UBE2Q2: variants seen among roughly 807,000 people sequenced by gnomAD.
UBE2Q2 encodes the protein ubiquitin conjugating enzyme E2 Q2.
UBE2Q2 carries 54 observed loss-of-function variants against 59.9 expected under a neutral mutation model. The observed-to-expected ratio is 0.90, with a 90% CI of 0.72 to 1.13. The LOEUF (loss-of-function observed/expected upper bound fraction) is 1.13, where lower values mean the gene tolerates loss of function less well. UBE2Q2 is among the 50% of genes most tolerant of loss of function. The pLI is 0.00. For synonymous variants in UBE2Q2, 165 were observed against 155.2 expected, an observed-to-expected ratio of 1.06 and a Z score of -0.47; for missense variants, 433 against 441.9, an observed-to-expected ratio of 0.98 and a Z score of 0.18.
intron 1 of UBE2Q2, among the ~76,000 whole-genome samples, chr15:75,852,532 G>T (rs1430130595): frequency 6.6e-6 from 1 of 152,166 alleles, no homozygotes; most frequent in Non-Finnish European, 1.5e-5. Flanking sequence ...AGGGGTTTCA[G>T]TCCAGAGTGA....
chr15:75,888,247 G>T (rs1898898103), intron 9 of UBE2Q2, among the ~76,000 whole-genome samples: 1 of 152,128 alleles, frequency 6.6e-6, no homozygotes, highest in Non-Finnish European at 1.5e-5. Context: ...GTCACTCCCT[G>T]TACCCGTTTC....
Position 75,878,029 on chromosome 15 carries a change from G to A in UBE2Q2, c.734+8G>A. On this transcript the variant is annotated splice_region_variant and intron_variant, in intron 7 of 12. Coordinates refer to ENST00000267938, the MANE Select transcript of UBE2Q2 (RefSeq NM_173469.4). ...GCATGTTAAACTGCAGAAGTAAGTG[G>A]CTTTTTAATGCTCACCCACTCTTTG... 2 of 1,612,860 alleles carry A rather than the reference G, an allele frequency of 1.2e-6. No homozygotes were observed. The highest frequency in any genetic ancestry group is 1.7e-6 in the Non-Finnish European group (2 of 1,179,206).
At chr15:75,862,479 C>T (rs1235990919) in intron 3 of UBE2Q2, among the ~76,000 whole-genome samples, 2 of 145,140 alleles carry the variant, frequency 1.4e-5, no homozygotes, top group Admixed American at 6.9e-5. Context: ...CATTTGTAGT[C>T]TTTTAATTCC....
At chr15:75,844,478 T>A (rs1390006581) in intron 1 of UBE2Q2, 2 of 1,551,454 alleles carry the variant, frequency 1.3e-6, no homozygotes, top group South Asian at 2.4e-5. Flanking sequence ...GTACCGTCGT[T>A]GCGGCAGGTG....
chr15:75,899,562 GT>G lies in UBE2Q2; in HGVS notation c.*106del. The stretch of plus-strand genomic sequence containing the variant: ...CCCCTATTACAGCAGTACCGAAGAT[GT>G]TAGTTAATAGATATTTTAGTGGATA... On this transcript the variant is annotated 3_prime_UTR_variant, in exon 13 of 13. Transcript: ENST00000267938. 1 of 897,612 alleles carries G rather than the reference GT, an allele frequency of 1.1e-6. No individual in the cohort carries two copies. The highest frequency in any genetic ancestry group is 1.7e-6 in the Non-Finnish European group (1 of 584,734). 55.6% of individuals were successfully genotyped at this position (897,612 alleles called of 1,614,324 possible). A position where few individuals can be genotyped will look rare whatever the true frequency, so the allele number is the denominator to read the frequency against.
chr15:75,885,574 G>C (rs1466303454), intron 9 of UBE2Q2, among the ~76,000 whole-genome samples: 1 of 152,118 alleles, frequency 6.6e-6, no homozygotes, highest in South Asian at 2.1e-4. Flanking sequence ...CTCAGAGGAC[G>C]GTGTCCTCTG....
At chr15:75,881,884 CTATT>C (rs1240004167) in intron 8 of UBE2Q2, among the ~76,000 whole-genome samples, 1 of 152,046 alleles carries the variant, frequency 6.6e-6, no homozygotes, top group Non-Finnish European at 1.5e-5. Context: ...TAAGAAGGGT[CTATT>C]TAGATAAACT....
chr15:75,884,429 T>C (rs1482920647), intron 9 of UBE2Q2, among the ~76,000 whole-genome samples: 1 of 152,240 alleles, frequency 6.6e-6, no homozygotes, highest in Non-Finnish European at 1.5e-5. Flanking sequence ...TACATGCTTA[T>C]ATATGTGTTT....
intron 4 of UBE2Q2, among the ~76,000 whole-genome samples, chr15:75,869,679 G>C (rs1055266872): frequency 6.6e-6 from 1 of 152,156 alleles, no homozygotes; most frequent in Non-Finnish European, 1.5e-5. Context: ...GGAGGAAGGA[G>C]CCCTCTTGGC....
At chr15:75,896,924 C>T in intron 11 of UBE2Q2, 71 bp from the exon 12 acceptor site, 1 of 914,812 alleles carries the variant, frequency 1.1e-6, no homozygotes, top group East Asian at 2.8e-5. Context: ...CAGTGTGATG[C>T]ATTCATAAAT....
chr15:75,854,527 A>G lies in UBE2Q2; in HGVS notation c.282+40A>G, dbSNP rs767121094. On this transcript the variant is annotated intron_variant, in intron 2 of 12. Coordinates refer to ENST00000267938, the MANE Select transcript of UBE2Q2 (RefSeq NM_173469.4). ...CAAGCTATTTTCTCTTTTCCTCATGAACATTACATATAGAAATTAAATGTT... is the reference window on the plus strand; with the variant it reads ...CAAGCTATTTTCTCTTTTCCTCATGGACATTACATATAGAAATTAAATGTT... 2.4e-5 allele frequency: 30 copies of G among 1,230,904 alleles called. No homozygotes were observed. In the South Asian group the frequency reaches 3.8e-4, roughly 16 times the overall value. The allele number at this position is 1,230,904 out of a possible 1,614,324, so 76.2% of individuals were successfully genotyped here. A position where few individuals can be genotyped will look rare whatever the true frequency, so the allele number is the denominator to read the frequency against.
chr15:75,846,394 C>T (rs922787857), intron 1 of UBE2Q2, among the ~76,000 whole-genome samples: 4 of 152,102 alleles, frequency 2.6e-5, no homozygotes, highest in African/African-American at 9.7e-5. Context: ...TCCGCCGCCA[C>T]ACCCGGCTAA....
chr15:75,882,111 A>G (rs770152732), intron 8 of UBE2Q2, among the ~76,000 whole-genome samples: 23 of 152,318 alleles, frequency 1.5e-4, no homozygotes, highest in Non-Finnish European at 2.8e-4. Flanking sequence ...TCAAATTACA[A>G]AGAGGTGATT....
chr15:75,900,337 A>G lies in UBE2Q2; in HGVS notation c.*879A>G, dbSNP rs889064603. On this transcript the variant is annotated 3_prime_UTR_variant, in exon 13 of 13. Transcript: ENST00000267938. ...AAAAGCTGTGCAGTTAAGTACAAAA[A>G]GATACTTAATTTGGAGACTCTTACA... 3.9e-5 allele frequency: 6 copies of G among 152,584 alleles called. No homozygotes were observed. Among genetic ancestry groups the G allele is most frequent in the Non-Finnish European group, 5.9e-5 (4 of 68,046 alleles). 9.5% of individuals were successfully genotyped at this position (152,584 alleles called of 1,614,324 possible).
intron 1 of UBE2Q2, chr15:75,844,121 G>C: frequency 2.8e-6 from 4 of 1,415,660 alleles, no homozygotes; most frequent in South Asian, 3.1e-5. Flanking sequence ...AGCCCCGAGG[G>C]GGGAGTCCGC....
At chr15:75,883,547 C>T (rs1898571962) in intron 9 of UBE2Q2, 123 bp downstream of exon 9, 1 of 661,450 alleles carries the variant, frequency 1.5e-6, no homozygotes, top group Non-Finnish European at 2.6e-6. Context: ...AGTGATCCTC[C>T]CACCTTGGCC....
At chr15:75,868,890 A>T (rs1897638975) in intron 3 of UBE2Q2, 61 bp from the exon 4 acceptor site, 5 of 1,475,680 alleles carry the variant, frequency 3.4e-6, no homozygotes, top group Non-Finnish European at 4.7e-6. Context: ...CAGTCTTCTA[A>T]TGTACTCAGC....
intron 8 of UBE2Q2, 55 bp from the exon 9 acceptor site, chr15:75,883,311 G>A (rs1256416707): frequency 1.4e-6 from 2 of 1,447,944 alleles, no homozygotes; most frequent in East Asian, 2.3e-5. Flanking sequence ...CTTCTAAATA[G>A]TATAACACTA....
intron 11 of UBE2Q2, among the ~76,000 whole-genome samples, chr15:75,892,202 A>T (rs1283754442): frequency 6.6e-6 from 1 of 152,198 alleles, no homozygotes; most frequent in Non-Finnish European, 1.5e-5. Context: ...TGTTAGTTGT[A>T]TCCACAGCTG....
Sources: gnomAD v4.1 joint callset for allele counts (sites outside exome capture counted in the v4.1 genomes callset) on GRCh38, gnomAD v4.1.1 for gene constraint, MANE v1.5 for transcripts, NCBI Gene and HGNC (gene_info 2026-07-23, HGNC 2026-07-21) for gene names.